Variants in ANOS1 observed in about 807,000 individuals in gnomAD.
The protein encoded by ANOS1 is anosmin-1.
In ANOS1, 6 loss-of-function variants were observed where a neutral mutation model predicts 59.0. The observed-to-expected ratio is 0.10, with a 90% confidence interval of 0.06 to 0.20. The LOEUF is 0.20. Ranked by LOEUF, ANOS1 falls within the 10% of genes least tolerant of loss-of-function variation. The pLI is 1.00. For missense variants in ANOS1, 433 were observed against 542.3 expected, an observed-to-expected ratio of 0.80 and a Z score of 2.00; for synonymous variants, 217 against 223.4, an observed-to-expected ratio of 0.97 and a Z score of 0.25.
At position 8,568,010 on chromosome X, in the gene ANOS1, C is replaced by T. The variant is rs150592530; in HGVS notation, c.1207+222G>A. Among the ~76,000 whole-genome samples the T allele has an allele frequency of 5.3e-5, 6 of 112,286 alleles. No individual in the cohort carries two copies. The East Asian group carries it at 1.7e-3, about 32-fold the overall frequency. ...GTTTTCTTAAATTTCCATTACAACA[C>T]CAAAATTGCACCTACAATAGATAAA... On this transcript the variant is annotated intron_variant, in intron 8 of 13. Coordinates refer to ENST00000262648, the MANE Select transcript of ANOS1 (RefSeq NM_000216.4).
intron 1 of ANOS1, among the ~76,000 whole-genome samples, chrX:8,712,473 G>A (rs1932818147): frequency 1.8e-5 from 2 of 112,544 alleles, no homozygotes; most frequent in Admixed American, 1.9e-4. Context: ...ATAAATTAAA[G>A]CCATGGGACA....
At chrX:8,717,661 G>T (rs1424055364) in intron 1 of ANOS1, among the ~76,000 whole-genome samples, 1 of 111,507 alleles carries the variant, frequency 9.0e-6, no homozygotes, top group East Asian at 2.8e-4. Context: ...GAGGGGGAAA[G>T]AAAAGAGAGA....
Position 8,532,807 on chromosome X carries a change from C to G in ANOS1, c.*188G>C. The G allele has an allele frequency of 2.4e-6, 1 of 420,062 alleles. No individual in the cohort carries two copies. The highest frequency in any genetic ancestry group is 4.2e-6 in the Non-Finnish European group (1 of 237,613). The allele number at this position is 420,062 out of a possible 1,213,427, so 34.6% of individuals were successfully genotyped here. A position where few individuals can be genotyped will look rare whatever the true frequency, so the allele number is the denominator to read the frequency against. ...GTAGGGAACTGGTGTCTGTCTTCAC[C>G]AATCTACTGTTTCTCACTTGTCTCC... On this transcript the variant is annotated 3_prime_UTR_variant, in exon 14 of 14. Transcript: ENST00000262648.
intron 11 of ANOS1, among the ~76,000 whole-genome samples, 168 bp from the exon 12 acceptor site, chrX:8,535,979 G>C (rs760882847): frequency 1.8e-5 from 2 of 110,559 alleles, no homozygotes; most frequent in East Asian, 5.7e-4. Context: ...TGACATATGG[G>C]GATAGGTTGA....
chrX:8,536,188 C>CGTTTTTTTTTTT, intron 11 of ANOS1, among the ~76,000 whole-genome samples: 1 of 31,885 alleles, frequency 3.1e-5, no homozygotes, highest in Non-Finnish European at 5.6e-5. Context: ...AAATCCGAAG[C>CGTTTTTTTTTTT]TTTTTTTTTT....
rs779839464 is a variant in ANOS1 at position 8,623,757 on chromosome X, T to G, written c.256-87A>C. On this transcript the variant is annotated intron_variant, in intron 2 of 13. Coordinates refer to ENST00000262648, the MANE Select transcript of ANOS1 (RefSeq NM_000216.4). Reference sequence around the variant, plus strand: ...AAGAATTCACCTGTGATTGTTGCTTTTTCAATGCCTGTTTATTCTAGTTAG... The same window carrying G: ...AAGAATTCACCTGTGATTGTTGCTTGTTCAATGCCTGTTTATTCTAGTTAG... 1.2e-3 allele frequency: 838 copies of G among 705,112 alleles called. 2 individuals are homozygous for G. Among genetic ancestry groups the G allele is most frequent in the Non-Finnish European group, 1.5e-3 (688 of 460,855 alleles). The allele number at this position is 705,112 out of a possible 1,213,427, so 58.1% of individuals were successfully genotyped here. A position where few individuals can be genotyped will look rare whatever the true frequency, so the allele number is the denominator to read the frequency against.
intron 9 of ANOS1, among the ~76,000 whole-genome samples, chrX:8,549,157 TATTG>T (rs1401109948): frequency 8.9e-6 from 1 of 112,404 alleles, no homozygotes; most frequent in Non-Finnish European, 1.9e-5. Flanking sequence ...TGGACTCTAA[TATTG>T]ATTAATAAAT....
chrX:8,714,088 G>A, intron 1 of ANOS1, among the ~76,000 whole-genome samples: 1 of 112,106 alleles, frequency 8.9e-6, no homozygotes, highest in East Asian at 2.8e-4. Flanking sequence ...CAAGACTCAA[G>A]GTAACAACAT....
chrX:8,688,364 C>T (rs1026334942), intron 2 of ANOS1, among the ~76,000 whole-genome samples: 2 of 112,285 alleles, frequency 1.8e-5, no homozygotes, highest in African/African-American at 3.2e-5. Context: ...CCCTGCTCTG[C>T]GTGCTTTCTG....
intron 3 of ANOS1, among the ~76,000 whole-genome samples, chrX:8,622,287 C>T (rs1305292029): frequency 8.9e-6 from 1 of 111,942 alleles, no homozygotes; most frequent in African/African-American, 3.2e-5. Context: ...CTCTTGGGGA[C>T]TTACTATCTG....
chrX:8,577,335 G>T (rs3861333), intron 6 of ANOS1, among the ~76,000 whole-genome samples: 1,818 of 111,399 alleles, frequency 0.016, 47 homozygotes, highest in African/African-American at 0.054. Context: ...AGGATGGGAG[G>T]CACACCACAA....
chrX:8,581,280 T>C (rs1057347859), intron 6 of ANOS1, among the ~76,000 whole-genome samples: 8 of 111,417 alleles, frequency 7.2e-5, no homozygotes, highest in Non-Finnish European at 1.1e-4. Context: ...CAGGGGTTTC[T>C]GCTTTTGCTT....
chrX:8,714,832 T>C (rs1415279976), intron 1 of ANOS1, among the ~76,000 whole-genome samples: 2 of 112,423 alleles, frequency 1.8e-5, no homozygotes, highest in African/African-American at 6.5e-5. Flanking sequence ...TTTTTCATTA[T>C]GCTAATTTAT....
At position 8,596,968 on chromosome X, in the gene ANOS1, T is replaced by A. The variant is rs112841750; in HGVS notation, c.541+66A>T. 0.01 allele frequency: 12,120 copies of A among 1,202,311 alleles called. 179 individuals are homozygous for A. The highest frequency in any genetic ancestry group is 0.091 in the African/African-American group (5,189 of 56,942). On this transcript the variant is annotated intron_variant, in intron 4 of 13. Coordinates refer to ENST00000262648, the MANE Select transcript of ANOS1 (RefSeq NM_000216.4). The stretch of plus-strand genomic sequence containing the variant: ...TTTTCACACCTATGATGGACACCCT[T>A]CCCTAGGCACACACAGATATATGTG...
At chrX:8,648,990 A>G (rs1242677075) in intron 2 of ANOS1, among the ~76,000 whole-genome samples, 1 of 111,550 alleles carries the variant, frequency 9.0e-6, no homozygotes, top group African/African-American at 3.3e-5. Flanking sequence ...CAATAAACGG[A>G]CAGTCTCCCC....
rs1932143588 is a variant in ANOS1, at chrX:8,666,691, T to C, written c.255+33007A>G. On this transcript the variant is annotated intron_variant, in intron 2 of 13. Transcript: ENST00000262648. ...GGAAAAATGCTCCACATTCCCCACA[T>C]GCCCAAGAAGCAAAAATGGACAGAC... Among the ~76,000 whole-genome samples, 5 of 112,310 alleles carry C rather than the reference T, an allele frequency of 4.5e-5. No individual in the cohort carries two copies. The Admixed American group carries it at 4.7e-4, about 11-fold the overall frequency.
intron 2 of ANOS1, among the ~76,000 whole-genome samples, chrX:8,660,467 C>A (rs1303716600): frequency 9.0e-6 from 1 of 111,333 alleles, no homozygotes; most frequent in African/African-American, 3.3e-5. Flanking sequence ...CTCTAAAACC[C>A]ACCTCATTTT....
intron 2 of ANOS1, among the ~76,000 whole-genome samples, chrX:8,695,750 T>C (rs1464052705): frequency 1.9e-5 from 2 of 107,017 alleles, no homozygotes; most frequent in Non-Finnish European, 3.8e-5. Context: ...AACCACTAAA[T>C]TGAGCAGGAG....
rs60037708 is a variant in ANOS1 at position 8,554,433 on chromosome X, C to T, written c.1208-335G>A. On this transcript the variant is annotated intron_variant, in intron 8 of 13. Coordinates refer to ENST00000262648, the MANE Select transcript of ANOS1 (RefSeq NM_000216.4). ...ATAACTACGCTTTTCCCACTGTCTT[C>T]GCAATTGGCAGACCAGGAGATTCCC... Among the ~76,000 whole-genome samples the T allele has an allele frequency of 9.3e-3, 1,031 of 110,551 alleles. 14 individuals are homozygous for T. Among genetic ancestry groups the T allele is most frequent in the African/African-American group, 0.032 (962 of 30,458 alleles).
Sources: allele counts gnomAD v4.1 joint callset (sites outside exome capture counted in the v4.1 genomes callset), GRCh38; gene constraint gnomAD v4.1.1; transcripts MANE v1.5; gene names NCBI Gene and HGNC (gene_info 2026-07-23, HGNC 2026-07-21).